Variants in PLXDC2 observed in about 807,000 individuals in gnomAD.
The protein encoded by PLXDC2 is plexin domain containing 2, also known as plexin domain-containing protein 2.
PLXDC2 carries 40 observed loss-of-function variants against 68.9 expected under a neutral mutation model. The ratio of observed to expected loss-of-function variants is 0.58; its 90% confidence interval spans 0.45 to 0.76. The LOEUF is 0.76. Ranked by LOEUF, PLXDC2 falls within the 30% of genes least tolerant of loss-of-function variation. The probability of loss-of-function intolerance (pLI) is 0.00; values close to 1 mark genes in which losing one functional copy is unlikely to be tolerated. For missense variants in PLXDC2, 644 were observed against 661.9 expected (o/e 0.97, Z 0.30); for synonymous variants, 243 against 234.2 (o/e 1.04, Z -0.34).
At chr10:19,955,495 G>C (rs1387078445) in intron 1 of PLXDC2, among the ~76,000 whole-genome samples, 1 of 152,096 alleles carries the variant, frequency 6.6e-6, no homozygotes, top group Non-Finnish European at 1.5e-5. Context: ...GGCAGAGAAA[G>C]CTCATGGTCC....
chr10:19,869,250 G>A (rs1203747377), intron 1 of PLXDC2, among the ~76,000 whole-genome samples: 6 of 151,796 alleles, frequency 4.0e-5, no homozygotes, highest in Admixed American at 2.0e-4. Flanking sequence ...ATGAAAATAC[G>A]CCATCTCAAC....
At chr10:20,164,419 G>A (rs1184185476) in intron 6 of PLXDC2, 49 bp from the exon 7 acceptor site, 1 of 1,429,074 alleles carries the variant, frequency 7.0e-7, no homozygotes, top group African/African-American at 1.4e-5. Flanking sequence ...TTTCCTCCCT[G>A]TATGAAATTC....
intron 3 of PLXDC2, among the ~76,000 whole-genome samples, chr10:20,051,432 ATATATATATATG>A (rs1835899245): frequency 1.4e-5 from 1 of 72,516 alleles, no homozygotes; most frequent in African/African-American, 5.3e-5. Context: ...ATATATATAT[ATATATATATATG>A]TGCTATTATG....
chr10:20,179,058 A>G (rs1285751153), intron 9 of PLXDC2, among the ~76,000 whole-genome samples: 1 of 152,280 alleles, frequency 6.6e-6, no homozygotes, highest in Non-Finnish European at 1.5e-5. Flanking sequence ...GAATCTAAAG[A>G]GACGGCATTT....
At chr10:19,970,932 G>A (rs976356066) in intron 1 of PLXDC2, among the ~76,000 whole-genome samples, 8 of 152,108 alleles carry the variant, frequency 5.3e-5, no homozygotes, top group Admixed American at 2.0e-4. Flanking sequence ...TCTGAGCTTC[G>A]TTCCAATCTC....
intron 13 of PLXDC2, among the ~76,000 whole-genome samples, chr10:20,248,197 A>C (rs759447528): frequency 3.3e-5 from 5 of 152,216 alleles, no homozygotes; most frequent in Non-Finnish European, 5.9e-5. Context: ...AGTATGAAAG[A>C]TCTAGTTAAA....
chr10:20,076,437 A>G (rs1836452866), intron 4 of PLXDC2, among the ~76,000 whole-genome samples: 1 of 152,254 alleles, frequency 6.6e-6, no homozygotes, highest in Admixed American at 6.5e-5. Flanking sequence ...AAATAGCACA[A>G]TAAAAATACC....
chr10:19,933,637 A>C (rs1409620552), intron 1 of PLXDC2, among the ~76,000 whole-genome samples: 1 of 151,936 alleles, frequency 6.6e-6, no homozygotes, highest in Admixed American at 6.6e-5. Flanking sequence ...AGTCTCAAAA[A>C]ACAAAAACAA....
chr10:20,269,132 C>T (rs1835905151), intron 13 of PLXDC2, among the ~76,000 whole-genome samples: 2 of 152,098 alleles, frequency 1.3e-5, no homozygotes, highest in South Asian at 2.1e-4. Flanking sequence ...CTAAGGTAAA[C>T]ATACATTCCA....
At chr10:20,197,008 G>T (rs930169819) in intron 9 of PLXDC2, among the ~76,000 whole-genome samples, 1 of 151,866 alleles carries the variant, frequency 6.6e-6, no homozygotes, top group Admixed American at 6.6e-5. Context: ...TTTCTAATAC[G>T]ATGCAATGTG....
chr10:20,122,940 C>T (rs565753734), intron 4 of PLXDC2, among the ~76,000 whole-genome samples: 9 of 152,096 alleles, frequency 5.9e-5, no homozygotes, highest in Non-Finnish European at 5.9e-5. Context: ...TGCTGCCAAA[C>T]GAGTCATGAG....
intron 13 of PLXDC2, among the ~76,000 whole-genome samples, chr10:20,261,515 A>G (rs976770048): frequency 1.3e-5 from 2 of 152,228 alleles, no homozygotes; most frequent in Non-Finnish European, 2.9e-5. Flanking sequence ...AAAAATGAGC[A>G]AAAGAAAATT....
chr10:20,029,947 C>A (rs1564662393), intron 2 of PLXDC2, among the ~76,000 whole-genome samples: 1 of 152,058 alleles, frequency 6.6e-6, no homozygotes, highest in East Asian at 1.9e-4. Context: ...AAGATGTGAT[C>A]CTAGAAGAAT....
At chr10:20,176,462 C>A (rs1028644098) in intron 7 of PLXDC2, among the ~76,000 whole-genome samples, 1 of 151,694 alleles carries the variant, frequency 6.6e-6, no homozygotes, top group Admixed American at 6.6e-5. Context: ...GAATTTCAAG[C>A]ACAATGCAAT....
At chr10:20,110,263 A>C (rs1833541595) in intron 4 of PLXDC2, among the ~76,000 whole-genome samples, 1 of 152,086 alleles carries the variant, frequency 6.6e-6, no homozygotes, top group Non-Finnish European at 1.5e-5. Flanking sequence ...AAGAATGAAG[A>C]ATAGAAGGCC....
chr10:19,915,175 T>C (rs868103573), intron 1 of PLXDC2, among the ~76,000 whole-genome samples: 1 of 152,276 alleles, frequency 6.6e-6, no homozygotes, highest in Middle Eastern at 3.4e-3. Flanking sequence ...GTTTTCTGTT[T>C]GTTTTCCTTT....
intron 1 of PLXDC2, among the ~76,000 whole-genome samples, chr10:19,827,705 C>T (rs940431890): frequency 3.9e-5 from 6 of 151,900 alleles, no homozygotes; most frequent in Admixed American, 1.3e-4. Context: ...CAACTACAGG[C>T]GCGCCACCAC....
intron 6 of PLXDC2, among the ~76,000 whole-genome samples, chr10:20,149,437 C>G (rs755224527): frequency 6.6e-6 from 1 of 151,794 alleles, no homozygotes; most frequent in Non-Finnish European, 1.5e-5. Context: ...CGGGGTTTCT[C>G]CATGTTGATC....
Position 20,179,948 on chromosome 10 carries a change from C to G in PLXDC2, c.1061+2539C>G, listed in dbSNP as rs116912959. ...TTTGGTCTTGTGTTTTCAATACCTG[C>G]TCTGTGTCACACCTGCCAGGTTGCA... On this transcript the variant is annotated intron_variant, in intron 9 of 13. Coordinates refer to ENST00000377252, the MANE Select transcript of PLXDC2 (RefSeq NM_032812.9). Among the ~76,000 whole-genome samples, 233 of 152,178 alleles carry G rather than the reference C, an allele frequency of 1.5e-3. 6 individuals are homozygous for G. In the East Asian group the frequency reaches 0.044, roughly 29 times the overall value.
Sources: gnomAD v4.1 joint callset for allele counts (sites outside exome capture counted in the v4.1 genomes callset) on GRCh38, gnomAD v4.1.1 for gene constraint, MANE v1.5 for transcripts, NCBI Gene and HGNC (gene_info 2026-07-23, HGNC 2026-07-21) for gene names.